TBC1D22B: variants seen among roughly 807,000 people sequenced by gnomAD.
The protein encoded by TBC1D22B is TBC1 domain family member 22B.
A neutral mutation model predicts 69.1 loss-of-function variants in TBC1D22B; 32 were observed. That is an observed-to-expected ratio of 0.46 (90% confidence interval 0.35 to 0.62). The LOEUF (loss-of-function observed/expected upper bound fraction) is 0.62, where lower values mean the gene tolerates loss of function less well. TBC1D22B is among the 20% of genes least tolerant of loss of function. The pLI is 0.00. For missense variants in TBC1D22B, 462 were observed against 630.9 expected (o/e 0.73, Z 2.87); for synonymous variants, 206 against 229.8 (o/e 0.90, Z 0.94).
chr6:37,329,217 T>G (rs1768514587), intron 12 of TBC1D22B, among the ~76,000 whole-genome samples: 1 of 152,230 alleles, frequency 6.6e-6, no homozygotes, highest in South Asian at 2.1e-4. Context: ...TGTTGTGTTT[T>G]TTCTTTTACC....
Position 37,279,626 on chromosome 6 carries a change from C to T in TBC1D22B, c.421+15C>T. 1 of 1,594,272 alleles carries T rather than the reference C, an allele frequency of 6.3e-7. No individual in the cohort carries two copies. On this transcript the variant is annotated intron_variant, in intron 3 of 12. Coordinates refer to ENST00000373491, the MANE Select transcript of TBC1D22B (RefSeq NM_017772.4). ...CAGAAACTCTAGTAAGTCCTTCCTG[C>T]TCCCTTCATAGCCTCAGCCTTCTCA... is the stretch of plus-strand genomic sequence containing the variant.
chr6:37,321,782 C>T (rs1232067589), intron 12 of TBC1D22B, among the ~76,000 whole-genome samples: 1 of 152,220 alleles, frequency 6.6e-6, no homozygotes, highest in Non-Finnish European at 1.5e-5. Context: ...CCTTGTGGAG[C>T]TCTCAGGCTT....
At chr6:37,284,533 C>T (rs753005645) in intron 6 of TBC1D22B, 69 bp downstream of exon 6, 4 of 1,476,738 alleles carry the variant, frequency 2.7e-6, no homozygotes, top group South Asian at 2.8e-5. Context: ...TGGTAGTGCT[C>T]TCAGGGTACA....
Position 37,282,932 on chromosome 6 carries a change from A to G in TBC1D22B, c.652A>G (p.Ile218Val), listed in dbSNP as rs991341372. Residue 218 changes from isoleucine to valine, a missense_variant, in exon 5 of 13, where the codon ATA (isoleucine) becomes GTA (valine). This residue lies in a region of TBC1D22B where 225 missense variants were observed against 375.4 expected (regional missense o/e 0.60). Coordinates refer to ENST00000373491, the MANE Select transcript of TBC1D22B (RefSeq NM_017772.4). ...WPGVPREVRP[I>V]TWRLLSGYLP... is the part of the protein sequence containing the mutation. ...AGGGGTTCCCAGGGAGGTTCGACCT[A>G]TAACCTGGAGACTCCTGTCGGTGAG... 2 of 1,613,940 alleles carry G rather than the reference A, an allele frequency of 1.2e-6. No homozygotes were observed. Among genetic ancestry groups the G allele is most frequent in the Non-Finnish European group, 1.7e-6 (2 of 1,179,842 alleles).
intron 10 of TBC1D22B, among the ~76,000 whole-genome samples, chr6:37,315,763 A>G (rs868525284): frequency 5.3e-5 from 8 of 152,172 alleles, no homozygotes; most frequent in South Asian, 2.1e-4. Flanking sequence ...TTCAGTAAAG[A>G]CAGGCTTTTG....
intron 12 of TBC1D22B, among the ~76,000 whole-genome samples, chr6:37,327,474 A>G (rs9470552): frequency 3.0e-5 from 2 of 66,564 alleles, no homozygotes; most frequent in Non-Finnish European, 5.0e-5. Flanking sequence ...CCAGACTCCG[A>G]CTCAAAAAAA....
chr6:37,296,376 G>A (rs368659319), intron 8 of TBC1D22B, among the ~76,000 whole-genome samples: 3 of 152,114 alleles, frequency 2.0e-5, no homozygotes, highest in East Asian at 3.8e-4. Flanking sequence ...TCGAGACAGG[G>A]TCTCACTCTG....
At chr6:37,284,506 A>G in intron 6 of TBC1D22B, 42 bp downstream of exon 6, 1 of 1,525,686 alleles carries the variant, frequency 6.6e-7, no homozygotes, top group Non-Finnish European at 8.8e-7. Flanking sequence ...CCAGTCATAT[A>G]CTTTAGGTAT....
rs1317678796 is a variant in TBC1D22B, at chr6:37,327,499, A to AT, written c.1390-3545_1390-3544insT. 3.2e-5 allele frequency among the ~76,000 whole-genome samples: 3 copies of AT among 93,892 alleles called. 1 individual carries two copies. The highest frequency in any genetic ancestry group is 1.1e-4 in the Admixed American group (1 of 8,960). The allele number at this position is 93,892 out of a possible 152,430, so 61.6% of individuals were successfully genotyped here. A position where few individuals can be genotyped will look rare whatever the true frequency, so the allele number is the denominator to read the frequency against. ...ACTCAAAAAAAAAAAAAAAAAAAAA[A>AT]AAAAAAATAAGTTGAGATAGAAATG... On this transcript the variant is annotated intron_variant, in intron 12 of 12. Transcript: ENST00000373491.
At chr6:37,267,551 A>G (rs1316103694) in intron 1 of TBC1D22B, among the ~76,000 whole-genome samples, 3 of 137,260 alleles carry the variant, frequency 2.2e-5, no homozygotes, top group East Asian at 2.0e-4. Context: ...ATATATACAC[A>G]TATATATATA....
intron 12 of TBC1D22B, 148 bp downstream of exon 12, chr6:37,317,354 C>T (rs1361463155): frequency 2.6e-6 from 2 of 756,440 alleles, no homozygotes; most frequent in Non-Finnish European, 4.3e-6. Context: ...GGTCGTCCCT[C>T]TTAGTTGGCA....
At chr6:37,277,095 C>T (rs1275458530) in intron 2 of TBC1D22B, among the ~76,000 whole-genome samples, 2 of 152,026 alleles carry the variant, frequency 1.3e-5, no homozygotes, top group African/African-American at 2.4e-5. Flanking sequence ...TCCTGGTGTG[C>T]GTGTGTGTCA....
At position 37,331,872 on chromosome 6, in the gene TBC1D22B, G is replaced by A. The variant is rs45606431; in HGVS notation, c.*700G>A. 6,989 of 152,678 alleles carry A rather than the reference G, an allele frequency of 0.046. 219 individuals are homozygous for A. The highest frequency in any genetic ancestry group is 0.072 in the Middle Eastern group (21 of 292). The allele number at this position is 152,678 out of a possible 1,614,324, so 9.5% of individuals were successfully genotyped here. Reference sequence around the variant, plus strand: ...CAGACGAGCCCCATCAAACTAGTTGGGAAGGGCCCCAGTGACCAAGTGTAT... The same window carrying A: ...CAGACGAGCCCCATCAAACTAGTTGAGAAGGGCCCCAGTGACCAAGTGTAT... On this transcript the variant is annotated 3_prime_UTR_variant, in exon 13 of 13. Coordinates refer to ENST00000373491, the MANE Select transcript of TBC1D22B (RefSeq NM_017772.4).
chr6:37,330,923 C>G lies in TBC1D22B; in HGVS notation c.1390-121C>G. 4.9e-6 allele frequency: 5 copies of G among 1,010,656 alleles called. 1 individual carries two copies. In the South Asian group the frequency reaches 7.3e-5, roughly 15 times the overall value. 62.6% of individuals were successfully genotyped at this position (1,010,656 alleles called of 1,614,324 possible). A position where few individuals can be genotyped will look rare whatever the true frequency, so the allele number is the denominator to read the frequency against. ...TGTTTGGGAGGAAGGAGGCTGGACT[C>G]TTTGAGATGTGTGAGCCAGGAGGAA... On this transcript the variant is annotated intron_variant, in intron 12 of 12. Transcript: ENST00000373491.
intron 8 of TBC1D22B, among the ~76,000 whole-genome samples, chr6:37,306,061 C>T (rs879688161): frequency 6.6e-6 from 1 of 152,162 alleles, no homozygotes; most frequent in Non-Finnish European, 1.5e-5. Context: ...ATAGCCCAGT[C>T]AGGATGCTGA....
intron 2 of TBC1D22B, among the ~76,000 whole-genome samples, chr6:37,269,856 A>G (rs984165646): frequency 6.6e-5 from 10 of 152,216 alleles, no homozygotes; most frequent in South Asian, 2.1e-4. Context: ...GTGTTTTCCT[A>G]TATTGGGAAC....
Position 37,317,284 on chromosome 6 carries a change from A to G in TBC1D22B, c.1389+78A>G, listed in dbSNP as rs531599510. The G allele has an allele frequency of 2.1e-6, 3 of 1,398,500 alleles. No individual in the cohort carries two copies. The East Asian group carries it at 7.5e-5, about 35-fold the overall frequency. 86.6% of individuals were successfully genotyped at this position (1,398,500 alleles called of 1,614,324 possible). On this transcript the variant is annotated intron_variant, in intron 12 of 12. Coordinates refer to ENST00000373491, the MANE Select transcript of TBC1D22B (RefSeq NM_017772.4). The stretch of plus-strand genomic sequence containing the variant: ...TAGCCCCTCAGTGGGCAGTGCAGAC[A>G]GAAGGTGCCATAGCAGGTACCTGGC...
intron 8 of TBC1D22B, among the ~76,000 whole-genome samples, chr6:37,293,077 TA>T (rs58887278): frequency 0.031 from 4,684 of 150,966 alleles, 239 homozygotes; most frequent in African/African-American, 0.11. Context: ...TTATTATTAT[TA>T]TTATTATTTT....
chr6:37,258,678 A>G (rs2113960686), intron 1 of TBC1D22B, among the ~76,000 whole-genome samples: 1 of 152,282 alleles, frequency 6.6e-6, no homozygotes, highest in Admixed American at 6.5e-5. Flanking sequence ...TTAACTGGAG[A>G]GCAGACCCCC....
Sources: gnomAD v4.1 joint callset for allele counts (sites outside exome capture counted in the v4.1 genomes callset) on GRCh38, gnomAD v4.1.1 for gene constraint, gnomAD v4.1.1 regional missense constraint, MANE v1.5 for transcripts, NCBI Gene and HGNC (gene_info 2026-07-23, HGNC 2026-07-21) for gene names.